Variants in COPG2 observed in about 807,000 individuals in gnomAD.
COPG2 encodes coat protein complex I subunit gamma 2.
A neutral mutation model predicts 46.3 loss-of-function variants in COPG2; 37 were observed. That is an observed-to-expected ratio of 0.80 (90% CI 0.61 to 1.05). COPG2 has a LOEUF of 1.05. Ranked by LOEUF, COPG2 falls within the 50% of genes least tolerant of loss-of-function variation. COPG2 has a pLI of 0.00. For synonymous variants in COPG2, 159 were observed against 129.7 expected, an observed-to-expected ratio of 1.23 and a Z score of -1.53; for missense variants, 427 against 387.8, an observed-to-expected ratio of 1.10 and a Z score of -0.85.
chr7:130,628,460 A>C (rs2116537582), intron 5 of COPG2, among the ~76,000 whole-genome samples: 1 of 152,322 alleles, frequency 6.6e-6, no homozygotes, highest in South Asian at 2.1e-4. Context: ...TCTCAAGGGT[A>C]TATTCCCAAT....
intron 9 of COPG2, among the ~76,000 whole-genome samples, chr7:130,589,493 G>A (rs781936745): frequency 2.4e-4 from 37 of 152,022 alleles, no homozygotes; most frequent in Non-Finnish European, 4.0e-4. Flanking sequence ...CTATGTTGGC[G>A]GGGCTAGTCT....
At chr7:130,656,184 C>T (rs1554459889) in intron 4 of COPG2, among the ~76,000 whole-genome samples, 1 of 150,854 alleles carries the variant, frequency 6.6e-6, no homozygotes, top group Non-Finnish European at 1.5e-5. Context: ...TTTTTTTCCC[C>T]TTCTTTTGGT....
At chr7:130,631,168 TTTTC>T (rs1262661147) in intron 5 of COPG2, among the ~76,000 whole-genome samples, 7 of 113,806 alleles carry the variant, frequency 6.2e-5, no homozygotes, top group African/African-American at 2.2e-4. Context: ...TTTCTTTTTC[TTTTC>T]TTTTTTTTTT....
chr7:130,539,519 A>T (rs1288541932), intron 20 of COPG2, among the ~76,000 whole-genome samples: 3 of 152,194 alleles, frequency 2.0e-5, no homozygotes, highest in Non-Finnish European at 4.4e-5. Context: ...CAAAGTAGTG[A>T]GCACATCCCT....
At chr7:130,513,228 G>C (rs552001837) in intron 20 of COPG2, among the ~76,000 whole-genome samples, 6 of 145,600 alleles carry the variant, frequency 4.1e-5, no homozygotes, top group Non-Finnish European at 9.0e-5. Flanking sequence ...GGAGGATGCA[G>C]TGAGCCGAGA....
At chr7:130,659,384 T>TATCTAGAA (rs1489728941) in intron 4 of COPG2, among the ~76,000 whole-genome samples, 1 of 127,046 alleles carries the variant, frequency 7.9e-6, no homozygotes, top group South Asian at 2.5e-4. Context: ...AAACAAGCAT[T>TATCTAGAA]ATCTAGAAAT....
intron 5 of COPG2, among the ~76,000 whole-genome samples, chr7:130,646,862 A>G (rs1795603591): frequency 6.6e-6 from 1 of 150,884 alleles, no homozygotes; most frequent in Admixed American, 6.6e-5. Context: ...GCCACGCGGA[A>G]CTGTGAGTCA....
chr7:130,655,243 C>T (rs1176576885), intron 4 of COPG2, among the ~76,000 whole-genome samples: 1 of 151,720 alleles, frequency 6.6e-6, no homozygotes, highest in Non-Finnish European at 1.5e-5. Context: ...TTAACCAGGA[C>T]TAGTTTGTTT....
At chr7:130,530,140 T>A (rs1799810266) in intron 20 of COPG2, among the ~76,000 whole-genome samples, 1 of 152,064 alleles carries the variant, frequency 6.6e-6, no homozygotes, top group Non-Finnish European at 1.5e-5. Flanking sequence ...GGGCAAGACC[T>A]GTGTAAGAAG....
At chr7:130,528,700 A>C (rs1799796998) in intron 20 of COPG2, among the ~76,000 whole-genome samples, 1 of 150,988 alleles carries the variant, frequency 6.6e-6, no homozygotes, top group African/African-American at 2.4e-5. Context: ...CACATGGGAG[A>C]GGAGGACAGA....
At chr7:130,585,347 C>T (rs558563746) in intron 9 of COPG2, among the ~76,000 whole-genome samples, 2 of 152,124 alleles carry the variant, frequency 1.3e-5, no homozygotes, top group South Asian at 2.1e-4. Flanking sequence ...AATCTAAGAC[C>T]TGAAACTATA....
intron 5 of COPG2, among the ~76,000 whole-genome samples, chr7:130,644,412 A>G (rs1390170411): frequency 6.6e-6 from 1 of 152,190 alleles, no homozygotes; most frequent in Non-Finnish European, 1.5e-5. Flanking sequence ...TTCTAGGAAC[A>G]AAGTGGGTAC....
chr7:130,601,117 A>G (rs1218556896), intron 9 of COPG2, among the ~76,000 whole-genome samples: 1 of 152,258 alleles, frequency 6.6e-6, no homozygotes, highest in African/African-American at 2.4e-5. Flanking sequence ...CCACAATGAG[A>G]TACCATCTCA....
intron 22 of COPG2, 97 bp downstream of exon 22, chr7:130,507,585 AGTT>A (rs1209256112): frequency 4.6e-6 from 3 of 656,732 alleles, no homozygotes; most frequent in Non-Finnish European, 8.3e-6. Flanking sequence ...AGATTTATGA[AGTT>A]TTTTTTTTTT....
In COPG2 at chr7:130,663,049, T is replaced by C. The variant is rs1554460992; in HGVS notation, c.172-11A>G. The C allele has an allele frequency of 2.7e-6, 4 of 1,475,932 alleles. No homozygotes were observed. The highest frequency in any genetic ancestry group is 9.0e-7 in the Non-Finnish European group (1 of 1,105,074). 91.4% of individuals were successfully genotyped at this position (1,475,932 alleles called of 1,614,324 possible). ...TCCAAAGTGTTCACCCTAAGTAAAA[T>C]TTAAAACAATTTTTAAATTTTAAAA... On this transcript the variant is annotated splice_polypyrimidine_tract_variant and intron_variant, in intron 3 of 23. Transcript: ENST00000425248.
intron 20 of COPG2, among the ~76,000 whole-genome samples, chr7:130,536,976 AAGG>A (rs1165500823): frequency 0.16 from 24,120 of 151,000 alleles, 3,755 homozygotes; most frequent in African/African-American, 0.41. Context: ...CATGGGCCTT[AAGG>A]AGGAGGGAGG....
chr7:130,523,547 C>A (rs1442025475), intron 20 of COPG2, among the ~76,000 whole-genome samples: 5 of 152,166 alleles, frequency 3.3e-5, no homozygotes, highest in Non-Finnish European at 7.3e-5. Flanking sequence ...AGGGTCAAGA[C>A]TGTCAGGTGT....
chr7:130,591,788 C>T (rs1794432657), intron 9 of COPG2, among the ~76,000 whole-genome samples: 1 of 149,384 alleles, frequency 6.7e-6, no homozygotes, highest in South Asian at 2.1e-4. Context: ...GAGGGGTCAG[C>T]CCCCCGCCCG....
At chr7:130,549,485 C>A (rs1317270988) in intron 17 of COPG2, 109 bp from the exon 18 acceptor site, 1 of 396,732 alleles carries the variant, frequency 2.5e-6, no homozygotes, top group African/African-American at 2.1e-5. Flanking sequence ...ATATAATGAG[C>A]TATTACTAGA....
Sources: allele counts gnomAD v4.1 joint callset (sites outside exome capture counted in the v4.1 genomes callset), GRCh38; gene constraint gnomAD v4.1.1; transcripts MANE v1.5; gene names NCBI Gene and HGNC (gene_info 2026-07-23, HGNC 2026-07-21).